RYR3: variants seen among roughly 807,000 people sequenced by gnomAD.
RYR3 encodes the protein ryanodine receptor 3.
RYR3 carries 207 observed loss-of-function variants against 584.3 expected under a neutral mutation model. The observed-to-expected ratio is 0.35, with a 90% CI of 0.32 to 0.40. The LOEUF is 0.40. Ranked by LOEUF, RYR3 falls within the 10% of genes least tolerant of loss-of-function variation. The pLI is 1.00. For synonymous variants in RYR3, 2,416 were observed against 2,248.5 expected (o/e 1.07, Z -2.11); for missense variants, 5,616 against 6,089.2 (o/e 0.92, Z 2.59).
intron 41 of RYR3, 97 bp downstream of exon 41, chr15:33,699,930 C>A: frequency 8.2e-7 from 1 of 1,216,436 alleles, no homozygotes; most frequent in South Asian, 1.5e-5. Context: ...GCCACATGCA[C>A]GCTGTGATAT....
intron 69 of RYR3, among the ~76,000 whole-genome samples, chr15:33,805,651 G>C (rs1233366879): frequency 6.6e-6 from 1 of 151,510 alleles, no homozygotes; most frequent in East Asian, 2.0e-4. Context: ...CTAATTTTTT[G>C]TATTTTTAGT....
chr15:33,480,501 A>C (rs913550121), intron 2 of RYR3, among the ~76,000 whole-genome samples: 3 of 152,196 alleles, frequency 2.0e-5, no homozygotes, highest in Admixed American at 2.0e-4. Flanking sequence ...TAAGTTGCCC[A>C]TGTGTACTGA....
intron 99 of RYR3, 134 bp from the exon 100 acceptor site, chr15:33,859,441 T>G: frequency 1.2e-6 from 1 of 835,680 alleles, no homozygotes; most frequent in Admixed American, 2.4e-5. Flanking sequence ...GCATGAATAC[T>G]GGCACCTCTG....
chr15:33,321,039 G>A (rs771161478), intron 1 of RYR3, among the ~76,000 whole-genome samples: 5 of 152,136 alleles, frequency 3.3e-5, no homozygotes, highest in Admixed American at 1.3e-4. Flanking sequence ...TTCTCTGAGC[G>A]TCTACTTTGC....
chr15:33,350,577 A>C (rs1374491080), intron 1 of RYR3, among the ~76,000 whole-genome samples: 1 of 151,968 alleles, frequency 6.6e-6, no homozygotes, highest in Non-Finnish European at 1.5e-5. Flanking sequence ...ACCACAGTGC[A>C]ATCAAACTAG....
chr15:33,393,188 G>T (rs1387378915), intron 1 of RYR3, among the ~76,000 whole-genome samples: 1 of 152,240 alleles, frequency 6.6e-6, no homozygotes, highest in Admixed American at 6.5e-5. Flanking sequence ...CTGCAAGGCA[G>T]ATGTGAACAG....
chr15:33,478,585 G>C (rs2049654657), intron 2 of RYR3, among the ~76,000 whole-genome samples: 1 of 152,152 alleles, frequency 6.6e-6, no homozygotes, highest in Non-Finnish European at 1.5e-5. Flanking sequence ...CTTACATACA[G>C]GTTGTATCAA....
At chr15:33,789,622 TTTTATATATATATA>T (rs1370325040) in intron 67 of RYR3, among the ~76,000 whole-genome samples, 30 of 32,388 alleles carry the variant, frequency 9.3e-4, no homozygotes, top group Middle Eastern at 0.038. Flanking sequence ...CCAGGTTTTA[TTTTATATATATATA>T]TATATATATA....
In RYR3 at chr15:33,311,610, C is replaced by A. The variant is rs909344590; in HGVS notation, c.51+514C>A. Among the ~76,000 whole-genome samples the A allele has an allele frequency of 6.6e-5, 10 of 152,214 alleles. No individual in the cohort carries two copies. Among genetic ancestry groups the A allele is most frequent in the African/African-American group, 2.4e-4 (10 of 41,456 alleles). ...CGGGTCGGAGAAGCGGGCGCAGGCG[C>A]TTGGTCCTAGCCCTGGGATCGCTCG... On this transcript the variant is annotated intron_variant, in intron 1 of 103. Coordinates refer to ENST00000634891, the MANE Select transcript of RYR3 (RefSeq NM_001036.6). The surrounding 1 kb of genome is among the most constrained non-coding windows in gnomAD (Gnocchi z 4.4).
At chr15:33,359,107 C>T (rs926474178) in intron 1 of RYR3, among the ~76,000 whole-genome samples, 1 of 152,186 alleles carries the variant, frequency 6.6e-6, no homozygotes, top group Admixed American at 6.5e-5. Context: ...CCCCTGTCAT[C>T]TCTTGCTCCA....
chr15:33,533,374 C>T lies in RYR3; in HGVS notation c.418C>T (p.Arg140Trp), dbSNP rs374959679. 90 of 1,606,268 alleles carry T rather than the reference C, an allele frequency of 5.6e-5. No homozygotes were observed. The highest frequency in any genetic ancestry group is 2.3e-4 in the African/African-American group (17 of 74,942). ...TDKLAFDVGL[R>W]EHATGEACWW... ...CAAACTTGCCTTTGATGTAGGTCTACGGGAACATGCCACAGGTGAGTCAGC... is the reference window on the plus strand; with the variant it reads ...CAAACTTGCCTTTGATGTAGGTCTATGGGAACATGCCACAGGTGAGTCAGC... The change falls in exon 5 of 104, where the codon CGG (arginine) becomes TGG (tryptophan). Residue 140 changes from arginine to tryptophan, a missense_variant. Transcript: ENST00000634891.
intron 64 of RYR3, among the ~76,000 whole-genome samples, chr15:33,775,678 T>A (rs1596534228): frequency 2.0e-5 from 3 of 152,338 alleles, no homozygotes; most frequent in Admixed American, 2.0e-4. Context: ...AGGGTTTCTC[T>A]AGGCTAGGAG....
At chr15:33,438,286 C>T (rs2045910731) in intron 1 of RYR3, among the ~76,000 whole-genome samples, 1 of 152,048 alleles carries the variant, frequency 6.6e-6, no homozygotes, top group African/African-American at 2.4e-5. Context: ...TACCTGTAAC[C>T]AGCATCTCCC....
intron 3 of RYR3, among the ~76,000 whole-genome samples, chr15:33,522,482 C>T (rs1045309942): frequency 2.6e-5 from 4 of 152,100 alleles, no homozygotes; most frequent in East Asian, 1.9e-4. Context: ...CTCTGACTCT[C>T]GGCTTTAGAT....
intron 49 of RYR3, among the ~76,000 whole-genome samples, chr15:33,737,872 GGTA>G (rs2069651370): frequency 6.6e-6 from 1 of 152,100 alleles, no homozygotes; most frequent in Non-Finnish European, 1.5e-5. Flanking sequence ...AAACATTACT[GGTA>G]ACTTCTGCCC....
intron 48 of RYR3, among the ~76,000 whole-genome samples, chr15:33,734,149 C>G (rs1413223726): frequency 6.6e-6 from 1 of 151,992 alleles, no homozygotes. Flanking sequence ...GACCCAGGCC[C>G]CAAAAAGGGT....
At chr15:33,555,033 T>C (rs2056975429) in intron 10 of RYR3, among the ~76,000 whole-genome samples, 1 of 152,238 alleles carries the variant, frequency 6.6e-6, no homozygotes. Context: ...TATTTCATAG[T>C]GTAAGGGTAT....
rs138901366 is a variant in RYR3, at chr15:33,473,408, TCTC to T, written c.52-8_52-6del. 3.8e-3 allele frequency: 6,115 copies of T among 1,613,720 alleles called. 181 individuals carry two copies. The African/African-American group carries it at 0.068, about 18-fold the overall frequency. On this transcript the variant is annotated splice_region_variant and splice_polypyrimidine_tract_variant and intron_variant, in intron 1 of 103. Coordinates refer to ENST00000634891, the MANE Select transcript of RYR3 (RefSeq NM_001036.6). ...CCCTTACTCATGTTTGGGTCTCTCT[TCTC>T]CTGGCAGGAGGATGAAGTGGTACTC...
chr15:33,449,191 G>A (rs1044583925), intron 1 of RYR3, among the ~76,000 whole-genome samples: 5 of 152,210 alleles, frequency 3.3e-5, no homozygotes, highest in African/African-American at 4.8e-5. Context: ...CAAGGTGTCA[G>A]TGCGGGCTGT....
Sources: allele counts gnomAD v4.1 joint callset (sites outside exome capture counted in the v4.1 genomes callset), GRCh38; gene constraint gnomAD v4.1.1; non-coding constraint Gnocchi (gnomAD v3.1); transcripts MANE v1.5; gene names NCBI Gene and HGNC (gene_info 2026-07-23, HGNC 2026-07-21).